MCTP1: variants seen among roughly 807,000 people sequenced by gnomAD.
The protein encoded by MCTP1 is multiple C2 and transmembrane domain-containing protein 1.
MCTP1 carries 69 observed loss-of-function variants against 120.6 expected under a neutral mutation model. The observed-to-expected ratio is 0.57, with a 90% confidence interval of 0.47 to 0.70. MCTP1 has a LOEUF of 0.70. Ranked by LOEUF, MCTP1 falls within the 30% of genes least tolerant of loss-of-function variation. The probability of loss-of-function intolerance (pLI) is 0.00; values close to 1 mark genes in which losing one functional copy is unlikely to be tolerated. For synonymous variants in MCTP1, 529 were observed against 493.1 expected, an observed-to-expected ratio of 1.07 and a Z score of -0.96; for missense variants, 1,203 against 1,248.8, an observed-to-expected ratio of 0.96 and a Z score of 0.55.
rs546107461 is a variant in MCTP1 at position 94,965,950 on chromosome 5, A to G, written c.839-12589T>C. ...GAGACCAGGCCCTTACTGGACACCA[A>G]ACCGGCCGGTGCTTGGACTTCCAGC... On this transcript the variant is annotated intron_variant, in intron 2 of 22. Transcript: ENST00000515393. Among the ~76,000 whole-genome samples, 34 of 152,280 alleles carry G rather than the reference A, an allele frequency of 2.2e-4. No individual in the cohort carries two copies. In the South Asian group the frequency reaches 4.8e-3, roughly 21 times the overall value.
intron 18 of MCTP1, among the ~76,000 whole-genome samples, chr5:94,794,007 A>T (rs1301127916): frequency 6.6e-6 from 1 of 152,246 alleles, no homozygotes; most frequent in African/African-American, 2.4e-5. Context: ...ATGCTTTGTC[A>T]TGAGAAGGAG....
chr5:95,010,541 C>T (rs1013711622), intron 2 of MCTP1, among the ~76,000 whole-genome samples: 1 of 152,074 alleles, frequency 6.6e-6, no homozygotes, highest in Non-Finnish European at 1.5e-5. Context: ...TTAATCAATC[C>T]TTAACTCAGG....
At chr5:94,908,419 T>G (rs978339613) in intron 10 of MCTP1, among the ~76,000 whole-genome samples, 5 of 152,070 alleles carry the variant, frequency 3.3e-5, no homozygotes, top group African/African-American at 9.7e-5. Flanking sequence ...CTGTTCTTAC[T>G]TTTCTGGAGT....
At chr5:95,076,452 G>GAAAAA (rs34708532) in intron 1 of MCTP1, among the ~76,000 whole-genome samples, 1 of 130,794 alleles carries the variant, frequency 7.6e-6, no homozygotes, top group Non-Finnish European at 1.6e-5. Flanking sequence ...GCTGAAAAAG[G>GAAAAA]AAAAAAAAAA....
intron 6 of MCTP1, among the ~76,000 whole-genome samples, chr5:94,928,788 AT>A (rs995230093): frequency 1.3e-5 from 2 of 152,022 alleles, no homozygotes; most frequent in Admixed American, 6.6e-5. Flanking sequence ...GTTTAGATGC[AT>A]TTTTTTCCTA....
chr5:94,998,917 TCCTTC>T (rs553730079), intron 2 of MCTP1, among the ~76,000 whole-genome samples: 189 of 152,324 alleles, frequency 1.2e-3, no homozygotes, highest in African/African-American at 4.2e-3. Flanking sequence ...TGCCACTGTT[TCCTTC>T]CCTTCGGCAG....
At chr5:95,183,019 C>A (rs1748781286) in intron 1 of MCTP1, among the ~76,000 whole-genome samples, 1 of 131,112 alleles carries the variant, frequency 7.6e-6, no homozygotes. Context: ...GAGCAAGACT[C>A]CGTCTCAAAA....
intron 1 of MCTP1, among the ~76,000 whole-genome samples, chr5:95,174,019 G>A (rs1450723164): frequency 6.6e-6 from 1 of 152,092 alleles, no homozygotes; most frequent in Admixed American, 6.6e-5. Flanking sequence ...TGGACTACAG[G>A]AAAAACAAGC....
intron 1 of MCTP1, among the ~76,000 whole-genome samples, chr5:95,266,303 C>T (rs891562620): frequency 6.6e-6 from 1 of 152,136 alleles, no homozygotes; most frequent in Non-Finnish European, 1.5e-5. Flanking sequence ...ACTGAGTCTT[C>T]CTTTTACCCA....
intron 19 of MCTP1, chr5:94,739,126 G>C: frequency 6.6e-6 from 1 of 152,168 alleles, no homozygotes; most frequent in Admixed American, 6.5e-5. Flanking sequence ...ATTTGGCAAG[G>C]ATTTGTCTAA....
chr5:94,879,113 TTAGTAGAAGATGTCAGAGAAGTAATG>T (rs1799516703), intron 12 of MCTP1, among the ~76,000 whole-genome samples: 1 of 152,030 alleles, frequency 6.6e-6, no homozygotes, highest in African/African-American at 2.4e-5. Flanking sequence ...AATGGGAAGG[TTAGTAGAAGATGTCAGAGAAGTAATG>T]GGGAATAAGG....
At chr5:95,259,345 T>C (rs2152713977) in intron 1 of MCTP1, among the ~76,000 whole-genome samples, 1 of 152,262 alleles carries the variant, frequency 6.6e-6, no homozygotes, top group African/African-American at 2.4e-5. Flanking sequence ...ACCCTTGCCT[T>C]GTGTCAAAAG....
intron 1 of MCTP1, among the ~76,000 whole-genome samples, chr5:95,278,084 C>T (rs369880994): frequency 2.7e-4 from 40 of 148,242 alleles, no homozygotes; most frequent in African/African-American, 9.0e-4. Context: ...TGATATTCTG[C>T]CAGAAAAAAA....
chr5:95,231,776 T>C (rs1394790941), intron 1 of MCTP1, among the ~76,000 whole-genome samples: 1 of 152,120 alleles, frequency 6.6e-6, no homozygotes, highest in Non-Finnish European at 1.5e-5. Flanking sequence ...TGTGGAATTT[T>C]CAACAGAGAC....
intron 2 of MCTP1, among the ~76,000 whole-genome samples, chr5:95,010,287 T>G (rs1379826045): frequency 6.6e-6 from 1 of 152,058 alleles, no homozygotes; most frequent in East Asian, 1.9e-4. Context: ...CTCTGAACCA[T>G]CTACTATATA....
chr5:95,240,650 C>T (rs1381282545), intron 1 of MCTP1, among the ~76,000 whole-genome samples: 1 of 152,152 alleles, frequency 6.6e-6, no homozygotes, highest in Non-Finnish European at 1.5e-5. Flanking sequence ...TAAAAATATT[C>T]AGCAAACATA....
At chr5:95,023,648 T>G (rs1838633326) in intron 1 of MCTP1, among the ~76,000 whole-genome samples, 1 of 152,208 alleles carries the variant, frequency 6.6e-6, no homozygotes. Context: ...TCAGGCCCAC[T>G]ATAGTGGTTC....
At chr5:94,725,865 G>A (rs1009121831) in intron 19 of MCTP1, among the ~76,000 whole-genome samples, 7 of 152,202 alleles carry the variant, frequency 4.6e-5, no homozygotes, top group East Asian at 3.9e-4. Context: ...TAAATATCTG[G>A]AACATAGGAA....
At chr5:95,274,675 G>T (rs367972501) in intron 1 of MCTP1, among the ~76,000 whole-genome samples, 42 of 150,374 alleles carry the variant, frequency 2.8e-4, no homozygotes, top group African/African-American at 9.8e-4. Context: ...CCAGGCTGGA[G>T]TGCAGGGGTG....
Sources: allele counts gnomAD v4.1 joint callset (sites outside exome capture counted in the v4.1 genomes callset), GRCh38; gene constraint gnomAD v4.1.1; transcripts MANE v1.5; gene names NCBI Gene and HGNC (gene_info 2026-07-23, HGNC 2026-07-21).